The following TMEM51 variants were observed in gnomAD, a reference collection of about 807,000 sequenced individuals.
TMEM51 encodes the protein transmembrane protein 51.
In TMEM51, 8 loss-of-function variants were observed where a neutral mutation model predicts 13.6. The ratio of observed to expected loss-of-function variants is 0.59; its 90% confidence interval spans 0.35 to 1.07. The LOEUF is 1.07. Among genes scored for constraint, TMEM51 ranks in the 50% least tolerant of loss-of-function variants. The pLI, the probability that TMEM51 is intolerant of heterozygous loss-of-function variation, is 0.02. For missense variants in TMEM51, 279 were observed against 330.7 expected (o/e 0.84, Z 1.21); for synonymous variants, 147 against 144.4 (o/e 1.02, Z -0.13).
intron 1 of TMEM51, among the ~76,000 whole-genome samples, chr1:15,208,260 C>T (rs1301774881): frequency 6.6e-6 from 1 of 152,184 alleles, no homozygotes; most frequent in Non-Finnish European, 1.5e-5. Flanking sequence ...GGCATTTCCA[C>T]TGGATGGTCA....
chr1:15,219,993 G>T lies in TMEM51; in HGVS notation c.*250G>T, dbSNP rs1472419869. 1.9e-6 allele frequency: 1 copy of T among 522,290 alleles called. No individual in the cohort carries two copies. The highest frequency in any genetic ancestry group is 2.9e-5 in the South Asian group (1 of 33,956). 32.4% of individuals were successfully genotyped at this position (522,290 alleles called of 1,614,324 possible). A position where few individuals can be genotyped will look rare whatever the true frequency, so the allele number is the denominator to read the frequency against. On this transcript the variant is annotated 3_prime_UTR_variant, in exon 4 of 4. Coordinates refer to ENST00000376008, the MANE Select transcript of TMEM51 (RefSeq NM_001136218.2). ...GTGAATCTGTGGACCACATTCAAGG[G>T]TGTGGCACAGGCATCTTCCCATCCT...
At chr1:15,184,482 G>C (rs755771233) in intron 1 of TMEM51, among the ~76,000 whole-genome samples, 2 of 152,190 alleles carry the variant, frequency 1.3e-5, no homozygotes, top group Non-Finnish European at 2.9e-5. Context: ...TCTCAGGATA[G>C]TAGGAAGCCA....
chr1:15,169,143 G>A (rs1303414407), intron 1 of TMEM51, among the ~76,000 whole-genome samples: 3 of 152,172 alleles, frequency 2.0e-5, no homozygotes, highest in Non-Finnish European at 4.4e-5. Flanking sequence ...AGTTTAGTGA[G>A]CTAATAACAG....
intron 1 of TMEM51, among the ~76,000 whole-genome samples, chr1:15,190,390 G>A (rs974142482): frequency 3.9e-5 from 6 of 152,060 alleles, no homozygotes; most frequent in Non-Finnish European, 7.4e-5. Context: ...AAAATGAAAC[G>A]CCCTCTGATA....
chr1:15,154,137 C>A (rs1156891914), intron 1 of TMEM51, among the ~76,000 whole-genome samples, 183 bp downstream of exon 1: 1 of 152,086 alleles, frequency 6.6e-6, no homozygotes, highest in African/African-American at 2.4e-5. Context: ...TCTGCGGCCG[C>A]GCCCCGCCGG....
intron 1 of TMEM51, among the ~76,000 whole-genome samples, chr1:15,208,523 T>A (rs1271390884): frequency 6.6e-6 from 1 of 151,962 alleles, no homozygotes; most frequent in Non-Finnish European, 1.5e-5. Context: ...CCCAGGTACT[T>A]GGGAGGCTGA....
At chr1:15,169,388 T>C (rs1643152540) in intron 1 of TMEM51, among the ~76,000 whole-genome samples, 3 of 152,168 alleles carry the variant, frequency 2.0e-5, no homozygotes, top group Admixed American at 2.0e-4. Flanking sequence ...GAGAGACTTT[T>C]TTTTTTTACT....
intron 1 of TMEM51, among the ~76,000 whole-genome samples, chr1:15,169,021 G>A (rs897883284): frequency 3.9e-5 from 6 of 152,176 alleles, no homozygotes; most frequent in Admixed American, 2.0e-4. Flanking sequence ...CACATCTGAA[G>A]GACTTAAGGC....
intron 1 of TMEM51, among the ~76,000 whole-genome samples, chr1:15,163,920 C>G (rs1642892859): frequency 6.6e-6 from 1 of 151,688 alleles, no homozygotes; most frequent in Non-Finnish European, 1.5e-5. Flanking sequence ...CCTCCACCTC[C>G]TGGGGTCAAG....
rs1644487834 is a variant in TMEM51 at position 15,219,747 on chromosome 1, G to A, written c.*4G>A. On this transcript the variant is annotated 3_prime_UTR_variant, in exon 4 of 4. Coordinates refer to ENST00000376008, the MANE Select transcript of TMEM51 (RefSeq NM_001136218.2). ...CGACACCCGGCCGCCCGACTGAATG[G>A]CCCCACTTGAGCCACGCTCCCTCCT... The A allele has an allele frequency of 6.2e-7, 1 of 1,611,628 alleles. No homozygotes were observed. The highest frequency in any genetic ancestry group is 1.7e-5 in the Admixed American group (1 of 59,812).
chr1:15,212,129 A>T lies in TMEM51; in HGVS notation c.-194+1567A>T, dbSNP rs77106753. On this transcript the variant is annotated intron_variant, in intron 2 of 3. Transcript: ENST00000376008. ...TTCTCACCACTATAAAGCTGTGATG[A>T]TATCTCTGTACATAATTCTTAGAAG... Among the ~76,000 whole-genome samples the T allele has an allele frequency of 1.1e-3, 174 of 152,294 alleles. 3 individuals carry two copies. In the East Asian group the frequency reaches 0.025, roughly 22 times the overall value.
intron 1 of TMEM51, among the ~76,000 whole-genome samples, chr1:15,182,204 A>ACTGAC (rs1557841722): frequency 2.9e-5 from 4 of 138,646 alleles, no homozygotes; most frequent in African/African-American, 8.1e-5. Context: ...AAATAAATAA[A>ACTGAC]TAACTGCACT....
chr1:15,182,811 G>A lies in TMEM51; in HGVS notation c.-266-27679G>A, dbSNP rs570171918. Among the ~76,000 whole-genome samples, 147 of 152,284 alleles carry A rather than the reference G, an allele frequency of 9.7e-4. 1 individual carries two copies. Among genetic ancestry groups the A allele is most frequent in the Non-Finnish European group, 1.6e-3 (109 of 68,022 alleles). ...AGAATCTCACTCTGTCACCCAGGCT[G>A]GAGTGCAGTGGCGTGATCTCATCCC... On this transcript the variant is annotated intron_variant, in intron 1 of 3. Coordinates refer to ENST00000376008, the MANE Select transcript of TMEM51 (RefSeq NM_001136218.2).
rs78896525 is a variant in TMEM51, at chr1:15,184,996, T to G, written c.-266-25494T>G. 2.1e-3 allele frequency among the ~76,000 whole-genome samples: 320 copies of G among 152,152 alleles called. 1 individual carries two copies. The highest frequency in any genetic ancestry group is 7.4e-3 in the African/African-American group (308 of 41,508). ...TCAGTGGAGCCAGGGGAAAGAAACCTTGCATAGAAGTACAGGAAGGCAGAA... is the reference window on the plus strand; with the variant it reads ...TCAGTGGAGCCAGGGGAAAGAAACCGTGCATAGAAGTACAGGAAGGCAGAA... On this transcript the variant is annotated intron_variant, in intron 1 of 3. Transcript: ENST00000376008.
intron 1 of TMEM51, among the ~76,000 whole-genome samples, chr1:15,203,066 C>T (rs1206310048): frequency 2.0e-5 from 3 of 152,222 alleles, no homozygotes. Flanking sequence ...AATGTATTCA[C>T]TCATGGATTC....
At chr1:15,170,653 G>A (rs1450902042) in intron 1 of TMEM51, among the ~76,000 whole-genome samples, 1 of 152,046 alleles carries the variant, frequency 6.6e-6, no homozygotes, top group African/African-American at 2.4e-5. Context: ...GGGACATTAA[G>A]CACATTTACA....
chr1:15,208,682 G>T (rs1644290379), intron 1 of TMEM51, among the ~76,000 whole-genome samples: 2 of 152,038 alleles, frequency 1.3e-5, no homozygotes, highest in Non-Finnish European at 2.9e-5. Flanking sequence ...AGGTGGAAGG[G>T]TGTTTTCAAG....
At chr1:15,172,387 C>CAAAAAA (rs34718626) in intron 1 of TMEM51, among the ~76,000 whole-genome samples, 20 of 75,202 alleles carry the variant, frequency 2.7e-4, no homozygotes, top group African/African-American at 1.1e-3. Flanking sequence ...GACCCTGTCT[C>CAAAAAA]AAAAAAAAAA....
At chr1:15,160,944 GC>G (rs1642760896) in intron 1 of TMEM51, among the ~76,000 whole-genome samples, 2 of 151,754 alleles carry the variant, frequency 1.3e-5, no homozygotes, top group South Asian at 2.1e-4. Flanking sequence ...AGGAAGCACA[GC>G]CCGTGAAGGA....
Sources: gnomAD v4.1 joint callset for allele counts (sites outside exome capture counted in the v4.1 genomes callset) on GRCh38, gnomAD v4.1.1 for gene constraint, MANE v1.5 for transcripts, NCBI Gene and HGNC (gene_info 2026-07-23, HGNC 2026-07-21) for gene names.